ADGRV1: variants seen among roughly 807,000 people sequenced by gnomAD.
ADGRV1 encodes adhesion G protein-coupled receptor V1.
Under a neutral mutation model 596.2 loss-of-function variants are expected in ADGRV1, and 359 were observed. The observed-to-expected ratio is 0.60, with a 90% CI of 0.55 to 0.66. The LOEUF (loss-of-function observed/expected upper bound fraction) is 0.66, where lower values mean the gene tolerates loss of function less well. Ranked by LOEUF, ADGRV1 falls within the 30% of genes least tolerant of loss-of-function variation. The pLI is 0.00. For missense variants in ADGRV1, 7,274 were observed against 7,575.6 expected (o/e 0.96, Z 1.48); for synonymous variants, 2,681 against 2,679.2 (o/e 1.00, Z -0.02).
At position 90,728,816 on chromosome 5, in the gene ADGRV1, T is replaced by G; in HGVS notation, c.10309T>G (p.Trp3437Gly). 6.2e-7 allele frequency: 1 copy of G among 1,613,984 alleles called. No homozygotes were observed. The highest frequency in any genetic ancestry group is 1.1e-5 in the South Asian group (1 of 91,088). The change falls in exon 49 of 90, where the codon TGG becomes GGG. Residue 3437 changes from tryptophan (W) to glycine (G), a missense_variant. Physicochemically the swap from Trp to Gly is radical, Grantham distance 184 (BLOSUM62 -2). Transcript: ENST00000405460. ...NARLNSLLFR[W>G]SGSGFINFQE... ...CAGGCTAAACTCCCTTTTATTCAGA[T>G]GGTCTGGCAGTGGGTTTATTAACTT...
intron 80 of ADGRV1, among the ~76,000 whole-genome samples, 170 bp downstream of exon 80, chr5:90,853,703 A>C (rs1224984375): frequency 6.6e-6 from 1 of 152,238 alleles, no homozygotes; most frequent in Non-Finnish European, 1.5e-5. Flanking sequence ...TAGTTTCTAA[A>C]TGAGTTGGAA....
intron 83 of ADGRV1, among the ~76,000 whole-genome samples, chr5:90,946,877 G>T (rs1014682679): frequency 6.6e-6 from 1 of 152,022 alleles, no homozygotes; most frequent in Admixed American, 6.6e-5. Flanking sequence ...ATGGACATTT[G>T]GGTTGATTCC....
intron 1 of ADGRV1, among the ~76,000 whole-genome samples, chr5:90,593,921 C>G (rs979829646): frequency 6.6e-6 from 1 of 151,396 alleles, no homozygotes; most frequent in Non-Finnish European, 1.5e-5. Flanking sequence ...AAATAAACTT[C>G]TTATGTTTAA....
intron 2 of ADGRV1, chr5:90,617,559 C>T (rs1763528736): frequency 6.7e-6 from 2 of 296,550 alleles, no homozygotes. Flanking sequence ...CCGCCCGTGT[C>T]GGCCTCCCAA....
intron 77 of ADGRV1, among the ~76,000 whole-genome samples, chr5:90,838,600 G>A (rs1234518392): frequency 6.6e-6 from 1 of 152,102 alleles, no homozygotes; most frequent in Non-Finnish European, 1.5e-5. Flanking sequence ...ATGTATAACA[G>A]ATAACTCTTG....
intron 11 of ADGRV1, 68 bp from the exon 12 acceptor site, chr5:90,642,568 A>T: frequency 6.4e-7 from 1 of 1,559,838 alleles, no homozygotes; most frequent in Non-Finnish European, 8.7e-7. Flanking sequence ...ATATTGCCTT[A>T]AAAGCCTGCA....
At chr5:91,016,471 T>C (rs1783182619) in intron 85 of ADGRV1, among the ~76,000 whole-genome samples, 1 of 152,016 alleles carries the variant, frequency 6.6e-6, no homozygotes, top group Admixed American at 6.6e-5. Flanking sequence ...AAGCTGATTA[T>C]TGATTACAAA....
At chr5:90,656,873 AT>A (rs1210827014) in intron 20 of ADGRV1, among the ~76,000 whole-genome samples, 1 of 152,178 alleles carries the variant, frequency 6.6e-6, no homozygotes, top group Non-Finnish European at 1.5e-5. Context: ...AAGGTTTGTT[AT>A]TGAGATATAG....
intron 85 of ADGRV1, among the ~76,000 whole-genome samples, chr5:91,016,506 G>A (rs1283388070): frequency 1.3e-5 from 2 of 151,972 alleles, no homozygotes; most frequent in African/African-American, 2.4e-5. Context: ...TTTGGAGGTA[G>A]GGGAAATGCT....
intron 59 of ADGRV1, among the ~76,000 whole-genome samples, chr5:90,772,672 G>A (rs1757816570): frequency 6.6e-6 from 1 of 152,128 alleles, no homozygotes; most frequent in Non-Finnish European, 1.5e-5. Context: ...TGGATGAGTA[G>A]ACAAATGTGC....
intron 71 of ADGRV1, 27 bp downstream of exon 71, chr5:90,802,909 C>T (rs376450621): frequency 1.9e-6 from 3 of 1,581,024 alleles, no homozygotes; most frequent in East Asian, 2.3e-5. Flanking sequence ...GTGGTTCTCT[C>T]AGCAGAACAC....
intron 70 of ADGRV1, among the ~76,000 whole-genome samples, chr5:90,793,662 A>G (rs1398591362): frequency 2.0e-5 from 3 of 152,226 alleles, no homozygotes; most frequent in Non-Finnish European, 4.4e-5. Flanking sequence ...TTGAAAGCTT[A>G]GCATTGCATT....
chr5:90,822,426 A>G (rs1763649025), intron 75 of ADGRV1, among the ~76,000 whole-genome samples: 2 of 152,250 alleles, frequency 1.3e-5, no homozygotes, highest in Admixed American at 1.3e-4. Context: ...CTATTCGGCC[A>G]TCTTGGCTCC....
At chr5:91,149,229 C>T (rs1020407141) in intron 87 of ADGRV1, among the ~76,000 whole-genome samples, 2 of 152,042 alleles carry the variant, frequency 1.3e-5, no homozygotes, top group Non-Finnish European at 1.5e-5. Context: ...TGCCCAGGGG[C>T]GGAATGATAT....
chr5:90,816,664 T>C (rs992538488), intron 75 of ADGRV1, among the ~76,000 whole-genome samples: 7 of 151,392 alleles, frequency 4.6e-5, no homozygotes, highest in Admixed American at 4.6e-4. Context: ...ATGTGGTGTT[T>C]GGTTTTTTGT....
intron 85 of ADGRV1, among the ~76,000 whole-genome samples, chr5:91,045,150 A>G (rs1785685193): frequency 6.6e-6 from 1 of 152,170 alleles, no homozygotes; most frequent in South Asian, 2.1e-4. Flanking sequence ...ACTATTCCAC[A>G]AGATAGAGAA....
At chr5:90,974,275 C>G (rs1196347930) in intron 84 of ADGRV1, among the ~76,000 whole-genome samples, 1 of 150,506 alleles carries the variant, frequency 6.6e-6, no homozygotes, top group Non-Finnish European at 1.5e-5. Context: ...CCATACTGCC[C>G]AAGGTAATTT....
At chr5:91,090,360 G>A (rs997776325) in intron 86 of ADGRV1, among the ~76,000 whole-genome samples, 2 of 151,954 alleles carry the variant, frequency 1.3e-5, no homozygotes, top group African/African-American at 4.8e-5. Flanking sequence ...CCTGCAAATT[G>A]AAAATTATAT....
chr5:90,769,696 A>G (rs1757490674), intron 59 of ADGRV1, among the ~76,000 whole-genome samples: 1 of 152,056 alleles, frequency 6.6e-6, no homozygotes, highest in Non-Finnish European at 1.5e-5. Context: ...AAATAGTATT[A>G]TTTTAATCTC....
Sources: gnomAD v4.1 joint callset for allele counts (sites outside exome capture counted in the v4.1 genomes callset) on GRCh38, gnomAD v4.1.1 for gene constraint, MANE v1.5 for transcripts, NCBI Gene and HGNC (gene_info 2026-07-23, HGNC 2026-07-21) for gene names.